The following SEM1 variants were observed in gnomAD, a reference collection of about 807,000 sequenced individuals.
SEM1 encodes 26S proteasome complex subunit SEM1.
SEM1 carries 3 observed loss-of-function variants against 12.7 expected under a neutral mutation model. That is an observed-to-expected ratio of 0.24 (90% CI 0.11 to 0.61). SEM1 has a LOEUF of 0.61. SEM1 is among the 20% of genes least tolerant of loss of function. SEM1 has a pLI of 0.88. For missense variants in SEM1, 59 were observed against 81.3 expected, an observed-to-expected ratio of 0.73 and a Z score of 1.06; for synonymous variants, 30 against 27.8, an observed-to-expected ratio of 1.08 and a Z score of -0.25.
chr7:96,517,998 G>T (rs1804149014), intron 2 of SEM1, among the ~76,000 whole-genome samples: 1 of 152,100 alleles, frequency 6.6e-6, no homozygotes, highest in East Asian at 1.9e-4. Flanking sequence ...GAGACAGAAG[G>T]CATTAGGCCA....
chr7:96,483,841 T>G lies in SEM1; in HGVS notation c.*18A>C, dbSNP rs948654985. 4 of 1,536,388 alleles carry G rather than the reference T, an allele frequency of 2.6e-6. No homozygotes were observed. The African/African-American group carries it at 5.5e-5, about 21-fold the overall frequency. The stretch of plus-strand genomic sequence containing the variant: ...GGCACCATATGACCAGACTTCCATC[T>G]CTGCTATTGATATGCTGCTAGCAAG... On this transcript the variant is annotated 3_prime_UTR_variant, in exon 4 of 4. Coordinates refer to the SEM1 transcript ENST00000356686.
intron 2 of SEM1, among the ~76,000 whole-genome samples, chr7:96,552,506 C>T (rs1805317209): frequency 6.7e-6 from 1 of 150,352 alleles, no homozygotes; most frequent in Admixed American, 6.7e-5. Flanking sequence ...CATGTCCCTA[C>T]AAAGGATATG....
rs186665712 is a variant in SEM1, at chr7:96,678,725, T to C, written c.171-4866A>G. On this transcript the variant is annotated intron_variant, in intron 2 of 2. Transcript: ENST00000413065. Reference sequence around the variant, plus strand: ...GATTGACTATTCCTAAATTTTTCTGTACCTTGAAATAGTTTTAAAATGAGA... The same window carrying C: ...GATTGACTATTCCTAAATTTTTCTGCACCTTGAAATAGTTTTAAAATGAGA... Among the ~76,000 whole-genome samples the C allele has an allele frequency of 2.6e-5, 4 of 152,240 alleles. No homozygotes were observed. The East Asian group carries it at 7.7e-4, about 29-fold the overall frequency.
At chr7:96,553,933 A>G (rs1456272757) in intron 2 of SEM1, among the ~76,000 whole-genome samples, 4 of 151,942 alleles carry the variant, frequency 2.6e-5, no homozygotes, top group Non-Finnish European at 5.9e-5. Flanking sequence ...TTGGATTCCT[A>G]GGTATTTTAT....
chr7:96,486,104 T>C (rs1802744019), intron 2 of SEM1: 1 of 801,832 alleles, frequency 1.2e-6, no homozygotes, highest in African/African-American at 1.7e-5. Context: ...TGTCACAATG[T>C]TGCTGGCCTT....
intron 2 of SEM1, among the ~76,000 whole-genome samples, chr7:96,517,130 A>G (rs563155426): frequency 7.2e-5 from 11 of 152,180 alleles, no homozygotes; most frequent in Non-Finnish European, 1.6e-4. Context: ...ATACTCTTCC[A>G]TGATACTGTA....
intron 2 of SEM1, among the ~76,000 whole-genome samples, chr7:96,630,451 T>C (rs930672223): frequency 1.3e-5 from 2 of 152,160 alleles, no homozygotes; most frequent in Non-Finnish European, 2.9e-5. Flanking sequence ...CTACCTCTGA[T>C]GTTCCTTGAG....
chr7:96,615,169 G>A (rs932000130), intron 2 of SEM1, among the ~76,000 whole-genome samples: 2 of 150,900 alleles, frequency 1.3e-5, no homozygotes, highest in Non-Finnish European at 2.9e-5. Context: ...TTTCACAAGG[G>A]ATTTGATTGC....
At chr7:96,493,394 T>C (rs1803106458) in intron 1 of SEM1, among the ~76,000 whole-genome samples, 1 of 152,198 alleles carries the variant, frequency 6.6e-6, no homozygotes, top group African/African-American at 2.4e-5. Context: ...TTCTTCCAGC[T>C]TTCCAAGCTT....
chr7:96,567,117 G>A (rs7357249), intron 2 of SEM1, among the ~76,000 whole-genome samples: 8,752 of 151,554 alleles, frequency 0.058, 814 homozygotes, highest in African/African-American at 0.2. Flanking sequence ...TATCTGTGAA[G>A]TAATTTCATT....
At chr7:96,535,534 A>G (rs1804761784) in intron 2 of SEM1, among the ~76,000 whole-genome samples, 1 of 151,794 alleles carries the variant, frequency 6.6e-6, no homozygotes, top group African/African-American at 2.4e-5. Context: ...CACAACTTGG[A>G]AATTTCACGT....
chr7:96,684,737 C>G (rs1430475739), downstream of SEM1, among the ~76,000 whole-genome samples: 1 of 152,016 alleles, frequency 6.6e-6, no homozygotes, highest in Admixed American at 6.6e-5. Context: ...GGGTTCTCTT[C>G]TCATCAAGTT....
At chr7:96,634,930 G>C (rs944582329) in intron 2 of SEM1, among the ~76,000 whole-genome samples, 19 of 152,030 alleles carry the variant, frequency 1.2e-4, no homozygotes, top group Non-Finnish European at 2.8e-4. Flanking sequence ...GCAGAGGAGT[G>C]ACAGTCTGAC....
At chr7:96,628,278 G>C (rs537805951) in intron 2 of SEM1, among the ~76,000 whole-genome samples, 2 of 151,920 alleles carry the variant, frequency 1.3e-5, no homozygotes, top group African/African-American at 4.8e-5. Flanking sequence ...CTGCCATTTT[G>C]TTATTTGTTT....
chr7:96,676,009 C>T (rs1789442236), intron 2 of SEM1, among the ~76,000 whole-genome samples: 1 of 152,158 alleles, frequency 6.6e-6, no homozygotes, highest in South Asian at 2.1e-4. Flanking sequence ...CACACCAGGG[C>T]TGTTATATAC....
At chr7:96,668,660 T>C (rs999568888), downstream of SEM1, among the ~76,000 whole-genome samples, 2 of 152,170 alleles carry the variant, frequency 1.3e-5, no homozygotes, top group Non-Finnish European at 2.9e-5. Flanking sequence ...TTCCACTAAC[T>C]CTCTTTGTGA....
At chr7:96,707,943 G>A (rs768939205) in intron 1 of SEM1, among the ~76,000 whole-genome samples, 18 of 152,184 alleles carry the variant, frequency 1.2e-4, no homozygotes, top group Non-Finnish European at 2.2e-4. Context: ...TTGGATCAGG[G>A]AGTTAGACCT....
intron 2 of SEM1, among the ~76,000 whole-genome samples, chr7:96,630,839 G>A (rs528018316): frequency 1.3e-5 from 2 of 151,032 alleles, no homozygotes; most frequent in Non-Finnish European, 2.9e-5. Flanking sequence ...GGACTCTTTA[G>A]TTAGGAGATA....
exon 4 of SEM1, chr7:96,483,847 A>G (rs546657623): frequency 1.3e-6 from 2 of 1,536,508 alleles, no homozygotes; most frequent in Admixed American, 2.0e-5. Flanking sequence ...CATCTCTGCT[A>G]TTGATATGCT....
Sources: gnomAD v4.1 joint callset for allele counts (sites outside exome capture counted in the v4.1 genomes callset) on GRCh38, gnomAD v4.1.1 for gene constraint, MANE v1.5 for transcripts, NCBI Gene and HGNC (gene_info 2026-07-23, HGNC 2026-07-21) for gene names.